The following HHIP variants were observed in gnomAD, a reference collection of about 807,000 sequenced individuals.
HHIP encodes hedgehog interacting protein, also known as hedgehog-interacting protein.
HHIP carries 12 observed loss-of-function variants against 74.0 expected under a neutral mutation model. That is an observed-to-expected ratio of 0.16 (90% CI 0.10 to 0.26). HHIP has a LOEUF of 0.26. HHIP is among the 10% of genes least tolerant of loss of function. The pLI is 1.00. For synonymous variants in HHIP, 309 were observed against 311.6 expected, an observed-to-expected ratio of 0.99 and a Z score of 0.09; for missense variants, 788 against 845.0, an observed-to-expected ratio of 0.93 and a Z score of 0.84.
chr4:144,724,668 G>A (rs6826051), intron 11 of HHIP, among the ~76,000 whole-genome samples: 3,068 of 106,850 alleles, frequency 0.029, 53 homozygotes, highest in South Asian at 0.09. Context: ...GTGTGTGTGT[G>A]TATATATATA....
At chr4:144,671,695 A>G (rs1272872813) in intron 4 of HHIP, among the ~76,000 whole-genome samples, 9 of 152,188 alleles carry the variant, frequency 5.9e-5, no homozygotes, top group Admixed American at 5.2e-4. Context: ...TCAAAGGACT[A>G]GGCTAAATAA....
At chr4:144,731,698 G>C (rs1413372990) in intron 11 of HHIP, among the ~76,000 whole-genome samples, 4 of 152,172 alleles carry the variant, frequency 2.6e-5, no homozygotes, top group African/African-American at 9.7e-5. Flanking sequence ...GGGATTACAG[G>C]TGTGAGCCAC....
At chr4:144,736,849 TG>T (rs1731134001) in intron 12 of HHIP, among the ~76,000 whole-genome samples, 1 of 152,192 alleles carries the variant, frequency 6.6e-6, no homozygotes, top group East Asian at 1.9e-4. Context: ...AGCATAAAAT[TG>T]TTTATTTTCT....
chr4:144,669,323 A>C lies in HHIP; in HGVS notation c.831+9485A>C, dbSNP rs965619292. ...TTATCATGAGAAAAGTTTTTTTCTA[A>C]ATCACGTAACTTTCTATCCAGCATG... On this transcript the variant is annotated intron_variant, in intron 4 of 12. Coordinates refer to ENST00000296575, the MANE Select transcript of HHIP (RefSeq NM_022475.3). Among the ~76,000 whole-genome samples the C allele has an allele frequency of 9.2e-5, 14 of 152,196 alleles. 1 individual carries two copies. The highest frequency in any genetic ancestry group is 1.3e-4 in the Non-Finnish European group (9 of 68,034).
intron 12 of HHIP, 54 bp from the exon 13 acceptor site, chr4:144,737,710 T>C: frequency 6.8e-7 from 1 of 1,475,900 alleles, no homozygotes; most frequent in African/African-American, 1.4e-5. Context: ...TGCTCAGTCC[T>C]GTTTCTGACA....
chr4:144,709,195 C>G lies in HHIP; in HGVS notation c.1301+884C>G, dbSNP rs536502908. Among the ~76,000 whole-genome samples the G allele has an allele frequency of 2.6e-5, 4 of 152,226 alleles. No individual in the cohort carries two copies. In the South Asian group the frequency reaches 6.2e-4, roughly 24 times the overall value. On this transcript the variant is annotated intron_variant, in intron 7 of 12. Transcript: ENST00000296575. ...CTCAAACTTTTTATTTTTATAATCCCTCATGCCCTTCATCTCTCCTCCATC... is the reference window on the plus strand; with the variant it reads ...CTCAAACTTTTTATTTTTATAATCCGTCATGCCCTTCATCTCTCCTCCATC...
intron 11 of HHIP, among the ~76,000 whole-genome samples, chr4:144,731,830 C>G (rs1022213620): frequency 6.6e-6 from 1 of 152,220 alleles, no homozygotes; most frequent in Non-Finnish European, 1.5e-5. Flanking sequence ...TGTCATCTCT[C>G]TATAACATCC....
At position 144,680,124 on chromosome 4, in the gene HHIP, C is replaced by T. The variant is rs185174271; in HGVS notation, c.831+20286C>T. 1.7e-3 allele frequency among the ~76,000 whole-genome samples: 266 copies of T among 152,134 alleles called. 6 individuals carry two copies. Among genetic ancestry groups the T allele is most frequent in the African/African-American group, 5.9e-3 (245 of 41,522 alleles). On this transcript the variant is annotated intron_variant, in intron 4 of 12. Transcript: ENST00000296575. ...GTTAATTTCTTTTTAATGAAAAGAA[C>T]GTGTTTATGTCTTACATGTCTGAGT...
In HHIP at chr4:144,742,921, T is replaced by C. The variant is rs1731293687; in HGVS notation, c.*4964T>C. 7.5e-6 allele frequency: 1 copy of C among 133,674 alleles called. No individual in the cohort carries two copies. The highest frequency in any genetic ancestry group is 1.6e-5 in the Non-Finnish European group (1 of 63,076). 8.3% of individuals were successfully genotyped at this position (133,674 alleles called of 1,614,324 possible). A position where few individuals can be genotyped will look rare whatever the true frequency, so the allele number is the denominator to read the frequency against. ...TATCTTTTTATATATATCTTATATATATATCTTTATATATATCTTATATAT... is the reference window on the plus strand; with the variant it reads ...TATCTTTTTATATATATCTTATATACATATCTTTATATATATCTTATATAT... On this transcript the variant is annotated 3_prime_UTR_variant, in exon 13 of 13. Transcript: ENST00000296575.
intron 4 of HHIP, among the ~76,000 whole-genome samples, chr4:144,685,333 A>G (rs553417645): frequency 3.5e-4 from 53 of 152,356 alleles, no homozygotes; most frequent in Admixed American, 1.1e-3. Flanking sequence ...ATAGACCAGA[A>G]CTATGTTCAG....
intron 7 of HHIP, among the ~76,000 whole-genome samples, chr4:144,710,813 T>C (rs543952327): frequency 3.3e-5 from 5 of 152,122 alleles, no homozygotes; most frequent in Non-Finnish European, 7.4e-5. Flanking sequence ...AGACAAAAAA[T>C]TACCTGGCCC....
rs1324382230 is a variant in HHIP at position 144,696,592 on chromosome 4, G to T, written c.832-9939G>T. Among the ~76,000 whole-genome samples the T allele has an allele frequency of 2.6e-5, 4 of 151,876 alleles. No homozygotes were observed. The East Asian group carries it at 7.7e-4, about 29-fold the overall frequency. ...CATTTCTTCATTTAGGAAGTACTTG[G>T]TAGGGCACTGTAACATAATAGTTCC... On this transcript the variant is annotated intron_variant, in intron 4 of 12. Coordinates refer to ENST00000296575, the MANE Select transcript of HHIP (RefSeq NM_022475.3).
chr4:144,714,326 T>C lies in HHIP; in HGVS notation c.1525T>C (p.Tyr509His), dbSNP rs1278773373. 1 of 1,613,364 alleles carries C rather than the reference T, an allele frequency of 6.2e-7. No homozygotes were observed. The highest frequency in any genetic ancestry group is 8.5e-7 in the Non-Finnish European group (1 of 1,179,578). The change falls in exon 9 of 13, where the codon TAC becomes CAC. Residue 509 changes from tyrosine (Y) to histidine (H), a missense_variant. Coordinates refer to ENST00000296575, the MANE Select transcript of HHIP (RefSeq NM_022475.3). Reference sequence around the variant, plus strand: ...CCAGTCAGAAAGATTGTATGGAAGCTACGTGTTTGGAGATCGTAATGGGTA... The same window carrying C: ...CCAGTCAGAAAGATTGTATGGAAGCCACGTGTTTGGAGATCGTAATGGGTA... ...GCQSERLYGS[Y>H]VFGDRNGNFL... is the part of the protein sequence containing the mutation.
At chr4:144,658,517 T>C (rs1435799717) in intron 2 of HHIP, among the ~76,000 whole-genome samples, 2 of 151,946 alleles carry the variant, frequency 1.3e-5, no homozygotes, top group Admixed American at 6.6e-5. Flanking sequence ...TATAGGCGCA[T>C]GCCACCATGC....
intron 4 of HHIP, among the ~76,000 whole-genome samples, chr4:144,677,577 G>A (rs895660587): frequency 6.6e-6 from 1 of 152,214 alleles, no homozygotes; most frequent in African/African-American, 2.4e-5. Flanking sequence ...CACAAGTGTG[G>A]AAAGGGTACC....
In HHIP at chr4:144,738,216, A is replaced by G; in HGVS notation, c.*259A>G. ...TTTTAAAATATATACTTCCTTATGCAAAGTAATTTACACAGAAATTCCATT... is the reference window on the plus strand; with the variant it reads ...TTTTAAAATATATACTTCCTTATGCGAAGTAATTTACACAGAAATTCCATT... On this transcript the variant is annotated 3_prime_UTR_variant, in exon 13 of 13. Coordinates refer to ENST00000296575, the MANE Select transcript of HHIP (RefSeq NM_022475.3). 1.9e-6 allele frequency: 2 copies of G among 1,047,284 alleles called. No homozygotes were observed. The highest frequency in any genetic ancestry group is 1.2e-6 in the Non-Finnish European group (1 of 868,644). 64.9% of individuals were successfully genotyped at this position (1,047,284 alleles called of 1,614,324 possible). A position where few individuals can be genotyped will look rare whatever the true frequency, so the allele number is the denominator to read the frequency against.
Position 144,738,911 on chromosome 4 carries a change from C to A in HHIP, c.*954C>A, listed in dbSNP as rs932675918. On this transcript the variant is annotated 3_prime_UTR_variant, in exon 13 of 13. Transcript: ENST00000296575. ...ATGAAAAAGCAAGAAAACAGCCAAT[C>A]CTTATAAAATTCCAGCATTAAACAT... 1.9e-5 allele frequency: 3 copies of A among 154,500 alleles called. No homozygotes were observed. The highest frequency in any genetic ancestry group is 4.8e-5 in the African/African-American group (2 of 41,466). 9.6% of individuals were successfully genotyped at this position (154,500 alleles called of 1,614,324 possible).
At chr4:144,653,404 G>A (rs1180393674) in intron 2 of HHIP, among the ~76,000 whole-genome samples, 2 of 152,146 alleles carry the variant, frequency 1.3e-5, no homozygotes, top group South Asian at 2.1e-4. Context: ...GTTATACAAT[G>A]AGAAGGTGAT....
chr4:144,719,690 A>C (rs1730575492), intron 11 of HHIP, among the ~76,000 whole-genome samples: 1 of 152,222 alleles, frequency 6.6e-6, no homozygotes, highest in Non-Finnish European at 1.5e-5. Context: ...AAAATACATT[A>C]GTCATAAATT....
Sources: allele counts gnomAD v4.1 joint callset (sites outside exome capture counted in the v4.1 genomes callset), GRCh38; gene constraint gnomAD v4.1.1; transcripts MANE v1.5; gene names NCBI Gene and HGNC (gene_info 2026-07-23, HGNC 2026-07-21).